The following TMEFF2 variants were observed in gnomAD, a reference collection of about 807,000 sequenced individuals.
TMEFF2 encodes the protein transmembrane protein with EGF like and two follistatin like domains 2, also known as tomoregulin-2.
In TMEFF2, 28 loss-of-function variants were observed where a neutral mutation model predicts 53.8. The ratio of observed to expected loss-of-function variants is 0.52; its 90% CI spans 0.39 to 0.71. The LOEUF is 0.71. Ranked by LOEUF, TMEFF2 falls within the 30% of genes least tolerant of loss-of-function variation. The pLI is 0.00. For missense variants in TMEFF2, 353 were observed against 455.2 expected (o/e 0.78, Z 2.04); for synonymous variants, 162 against 166.3 (o/e 0.97, Z 0.20).
In TMEFF2 at chr2:192,168,552, T is replaced by G. The variant is rs1023509472; in HGVS notation, c.439+11116A>C. Among the ~76,000 whole-genome samples, 6 of 152,230 alleles carry G rather than the reference T, an allele frequency of 3.9e-5. No individual in the cohort carries two copies. In the East Asian group the frequency reaches 7.7e-4, roughly 20 times the overall value. ...CTTTCTGCACACTACTTTTGGAGAA[T>G]GAGGTAGATCACAAGTTCATATACT... On this transcript the variant is annotated intron_variant, in intron 4 of 9. Transcript: ENST00000272771.
intron 5 of TMEFF2, chr2:192,044,028 C>T (rs1455441157): frequency 1.3e-5 from 2 of 152,174 alleles, no homozygotes; most frequent in Non-Finnish European, 2.9e-5. Flanking sequence ...CCCCTGGTAC[C>T]TAGTATGCAG....
chr2:192,129,160 T>A (rs1689749635), intron 4 of TMEFF2, among the ~76,000 whole-genome samples: 1 of 152,180 alleles, frequency 6.6e-6, no homozygotes, highest in South Asian at 2.1e-4. Context: ...AAAAAATGAC[T>A]AGGAATCCTG....
intron 4 of TMEFF2, among the ~76,000 whole-genome samples, chr2:192,096,655 TCTC>T (rs1559124551): frequency 2.7e-4 from 16 of 58,490 alleles, no homozygotes; most frequent in African/African-American, 8.5e-4. Context: ...CTTCCTTCTC[TCTC>T]TCTCTCTCTC....
chr2:192,158,174 A>G (rs1357379815), intron 4 of TMEFF2, among the ~76,000 whole-genome samples: 1 of 152,130 alleles, frequency 6.6e-6, no homozygotes, highest in Non-Finnish European at 1.5e-5. Context: ...TTATCTGTAC[A>G]GCCGTCTACT....
At chr2:192,072,003 A>G (rs1400083543) in intron 4 of TMEFF2, among the ~76,000 whole-genome samples, 1 of 151,956 alleles carries the variant, frequency 6.6e-6, no homozygotes. Context: ...AACTTCAAAT[A>G]AGAAGCAGTT....
At chr2:192,024,630 T>C (rs556511730) in intron 5 of TMEFF2, among the ~76,000 whole-genome samples, 6 of 152,344 alleles carry the variant, frequency 3.9e-5, no homozygotes, top group South Asian at 2.1e-4. Context: ...AGTACATATA[T>C]GGTTGGTGTT....
chr2:192,099,152 C>CA (rs1445088740), intron 4 of TMEFF2, among the ~76,000 whole-genome samples: 6 of 152,034 alleles, frequency 3.9e-5, no homozygotes, highest in Non-Finnish European at 8.8e-5. Flanking sequence ...TTTTCCTTCC[C>CA]TTTTTTTCCT....
chr2:192,194,530 G>C lies in TMEFF2; in HGVS notation c.-6C>G. ...GGGGACTCCCACAGCACCATGACTA[G>C]TTCGTGCAACTCTGCAGCAGCAAAC... On this transcript the variant is annotated 5_prime_UTR_variant, in exon 1 of 10. Coordinates refer to ENST00000272771, the MANE Select transcript of TMEFF2 (RefSeq NM_016192.4). The surrounding 1 kb of genome is among the most constrained non-coding windows in gnomAD (Gnocchi z 4.2). 1.2e-6 allele frequency: 2 copies of C among 1,612,006 alleles called. No individual in the cohort carries two copies. Among genetic ancestry groups the C allele is most frequent in the Non-Finnish European group, 1.7e-6 (2 of 1,179,166 alleles).
chr2:191,991,826 C>T (rs1200677240), intron 7 of TMEFF2, among the ~76,000 whole-genome samples: 3 of 152,194 alleles, frequency 2.0e-5, no homozygotes, highest in South Asian at 2.1e-4. Flanking sequence ...CAAGGCAACT[C>T]TTCAGTGGAA....
intron 5 of TMEFF2, among the ~76,000 whole-genome samples, chr2:191,999,655 A>G (rs971243445): frequency 1.3e-5 from 2 of 152,030 alleles, no homozygotes; most frequent in African/African-American, 2.4e-5. Flanking sequence ...GAAAGCAAAC[A>G]AGTAAATTAT....
intron 7 of TMEFF2, among the ~76,000 whole-genome samples, chr2:191,980,736 A>G (rs1032749656): frequency 2.0e-5 from 3 of 152,082 alleles, no homozygotes; most frequent in Non-Finnish European, 4.4e-5. Flanking sequence ...TGATGAAGAC[A>G]TCAACATAGA....
chr2:192,139,376 A>G (rs1690084802), intron 4 of TMEFF2, among the ~76,000 whole-genome samples: 1 of 152,330 alleles, frequency 6.6e-6, no homozygotes, highest in South Asian at 2.1e-4. Flanking sequence ...TTATTTTCAC[A>G]TTAGGAAGGA....
intron 4 of TMEFF2, among the ~76,000 whole-genome samples, chr2:192,086,703 G>A (rs1333774184): frequency 1.3e-5 from 2 of 152,070 alleles, no homozygotes; most frequent in Non-Finnish European, 2.9e-5. Flanking sequence ...TTACCCAGGG[G>A]ACAAGCAACC....
chr2:191,998,314 T>C lies in TMEFF2; in HGVS notation c.693A>G (p.Thr231=). The change falls in exon 7 of 10, where the codon ACA becomes ACG. Residue 231 remains threonine (T), a synonymous_variant. Transcript: ENST00000272771. ...VMSLGRCQDN[T]TTTTKSEDGH... ...CATCTTCAGACTTAGTAGTTGTAGTTGTGTTATCTGTGTTAAAAAATTAAC... is the reference window on the plus strand; with the variant it reads ...CATCTTCAGACTTAGTAGTTGTAGTCGTGTTATCTGTGTTAAAAAATTAAC... 6.3e-7 allele frequency: 1 copy of C among 1,595,074 alleles called. No homozygotes were observed. The highest frequency in any genetic ancestry group is 8.5e-7 in the Non-Finnish European group (1 of 1,170,890).
At chr2:191,978,496 A>T (rs1175118293) in intron 7 of TMEFF2, among the ~76,000 whole-genome samples, 2 of 151,620 alleles carry the variant, frequency 1.3e-5, no homozygotes, top group African/African-American at 4.8e-5. Flanking sequence ...CTATCTGAAG[A>T]CCACCCTGAT....
chr2:191,956,349 T>C lies in TMEFF2; in HGVS notation c.775A>G (p.Arg259Gly), dbSNP rs768835168. ...ENANKLEESAREHHIPCPEHY... is the reference protein window; with the variant it reads ...ENANKLEESAGEHHIPCPEHY... ...TCCGGACAAGGTATGTGGTGTTCTC[T>C]GGCACTTTCTTCTAATTTGTTAGCA... The change falls in exon 8 of 10, where the codon AGA (arginine) becomes GGA (glycine). Residue 259 changes from arginine to glycine, a missense_variant. By Grantham distance (125) the Arg-to-Gly change is moderately radical (BLOSUM62 -2). This residue lies in a region of TMEFF2 where 294 missense variants were observed against 397.3 expected (regional missense o/e 0.74). Coordinates refer to ENST00000272771, the MANE Select transcript of TMEFF2 (RefSeq NM_016192.4). The C allele has an allele frequency of 3.7e-6, 6 of 1,613,884 alleles. No homozygotes were observed. The Admixed American group carries it at 5.0e-5, about 13-fold the overall frequency.
intron 4 of TMEFF2, among the ~76,000 whole-genome samples, chr2:192,088,459 C>A (rs1241692324): frequency 1.3e-5 from 2 of 152,124 alleles, no homozygotes; most frequent in Non-Finnish European, 2.9e-5. Flanking sequence ...CCGGGTGTCA[C>A]CTGACCTGAC....
At chr2:192,057,619 G>C (rs1223770027) in intron 5 of TMEFF2, 60 bp downstream of exon 5, 1 of 1,396,236 alleles carries the variant, frequency 7.2e-7, no homozygotes, top group Non-Finnish European at 1.0e-6. Flanking sequence ...GGTTGATGGT[G>C]TTAAAAAGAA....
chr2:192,180,968 TG>T (rs1691172572), intron 3 of TMEFF2, among the ~76,000 whole-genome samples: 1 of 151,858 alleles, frequency 6.6e-6, no homozygotes, highest in African/African-American at 2.4e-5. Flanking sequence ...ACAGGACATA[TG>T]TCTTTGGATC....
Sources: gnomAD v4.1 joint callset for allele counts (sites outside exome capture counted in the v4.1 genomes callset) on GRCh38, gnomAD v4.1.1 for gene constraint, gnomAD v4.1.1 regional missense constraint, Gnocchi (gnomAD v3.1) non-coding constraint, MANE v1.5 for transcripts, NCBI Gene and HGNC (gene_info 2026-07-23, HGNC 2026-07-21) for gene names.